Variants in COL14A1 observed in about 807,000 individuals in gnomAD.
COL14A1 encodes collagen alpha-1(XIV) chain.
In COL14A1, 136 loss-of-function variants were observed where a neutral mutation model predicts 230.3. That is an observed-to-expected ratio of 0.59 (90% confidence interval 0.51 to 0.68). COL14A1 has a LOEUF of 0.68. Among genes scored for constraint, COL14A1 ranks in the 30% least tolerant of loss-of-function variants. COL14A1 has a pLI of 0.00. For missense variants in COL14A1, 1,976 were observed against 2,215.8 expected (o/e 0.89, Z 2.17); for synonymous variants, 792 against 784.1 (o/e 1.01, Z -0.17).
chr8:120,145,439 T>C (rs956743936), intron 1 of COL14A1, among the ~76,000 whole-genome samples: 1 of 152,150 alleles, frequency 6.6e-6, no homozygotes, highest in Admixed American at 6.5e-5. Flanking sequence ...GGCAACATGA[T>C]GAAATCCCGT....
intron 4 of COL14A1, among the ~76,000 whole-genome samples, chr8:120,164,730 T>A (rs1757029536): frequency 6.6e-6 from 1 of 152,218 alleles, no homozygotes; most frequent in Admixed American, 6.5e-5. Flanking sequence ...TTGGTTTAAA[T>A]CAGCCTTCTG....
Position 120,373,500 on chromosome 8 carries a change from A to T in COL14A1, c.*2269A>T, listed in dbSNP as rs1425413704. The stretch of plus-strand genomic sequence containing the variant: ...TTTCTTGACTTACTTTGGCAGAAAT[A>T]TACTTATATCTTAATTTATAGTTTG... On this transcript the variant is annotated 3_prime_UTR_variant, in exon 48 of 48. Transcript: ENST00000297848. 6.6e-6 allele frequency among the ~76,000 whole-genome samples: 1 copy of T among 152,188 alleles called. No individual in the cohort carries two copies. Among genetic ancestry groups the T allele is most frequent in the Admixed American group, 6.5e-5 (1 of 15,278 alleles).
chr8:120,371,019 G>A (rs746872117), intron 47 of COL14A1, 133 bp from the exon 48 acceptor site: 26 of 1,032,774 alleles, frequency 2.5e-5, no homozygotes, highest in Admixed American at 7.0e-5. Flanking sequence ...TACAAGGGGC[G>A]TGGTGGATTA....
chr8:120,330,532 G>T (rs1821828177), intron 40 of COL14A1, among the ~76,000 whole-genome samples: 1 of 152,182 alleles, frequency 6.6e-6, no homozygotes, highest in Non-Finnish European at 1.5e-5. Context: ...ATCAGATCTT[G>T]TGAGACTTGT....
intron 40 of COL14A1, among the ~76,000 whole-genome samples, chr8:120,318,397 A>C (rs1169857049): frequency 1.3e-5 from 2 of 152,190 alleles, no homozygotes; most frequent in Non-Finnish European, 2.9e-5. Context: ...TCTCAGAGAC[A>C]GTAGAGAAGG....
At chr8:120,150,703 A>C (rs971572430) in intron 2 of COL14A1, among the ~76,000 whole-genome samples, 2 of 152,176 alleles carry the variant, frequency 1.3e-5, no homozygotes, top group Non-Finnish European at 2.9e-5. Flanking sequence ...CAAGTAGAAG[A>C]CAATGAGTTC....
At chr8:120,305,708 T>G (rs1820837322) in intron 36 of COL14A1, among the ~76,000 whole-genome samples, 1 of 152,182 alleles carries the variant, frequency 6.6e-6, no homozygotes, top group Non-Finnish European at 1.5e-5. Flanking sequence ...TAATTTTTGC[T>G]TTTTATTTGT....
At chr8:120,271,379 AG>A (rs1300179595) in intron 26 of COL14A1, among the ~76,000 whole-genome samples, 1 of 151,286 alleles carries the variant, frequency 6.6e-6, no homozygotes, top group Non-Finnish European at 1.5e-5. Context: ...CTAAAAGAAA[AG>A]TTAAAAAAAA....
In COL14A1 at chr8:120,226,775, T is replaced by G; in HGVS notation, c.2004+9T>G. The G allele has an allele frequency of 6.2e-7, 1 of 1,611,460 alleles. No homozygotes were observed. Among genetic ancestry groups the G allele is most frequent in the Non-Finnish European group, 8.5e-7 (1 of 1,178,334 alleles). On this transcript the variant is annotated intron_variant, in intron 16 of 47. Coordinates refer to ENST00000297848, the MANE Select transcript of COL14A1 (RefSeq NM_021110.4). ...GGGGGAAGACTGAGGAGGTGAGTTT[T>G]CTGAAACAGACTGAAAATTAATCTG...
At chr8:120,250,546 A>C in intron 21 of COL14A1, 71 bp from the exon 22 acceptor site, 1 of 1,522,420 alleles carries the variant, frequency 6.6e-7, no homozygotes. Context: ...AAGTGAATAC[A>C]ATTTGATCTA....
At chr8:120,270,933 C>T (rs1408853844) in intron 26 of COL14A1, among the ~76,000 whole-genome samples, 2 of 151,604 alleles carry the variant, frequency 1.3e-5, no homozygotes, top group Admixed American at 6.6e-5. Flanking sequence ...CATGTATGTT[C>T]ATTGTGGCAG....
chr8:120,166,898 G>GTGTA (rs1815901370), intron 4 of COL14A1, among the ~76,000 whole-genome samples: 2 of 149,538 alleles, frequency 1.3e-5, no homozygotes, highest in East Asian at 3.9e-4. Flanking sequence ...GTGTGTGTGT[G>GTGTA]TGTGTGTGTG....
At chr8:120,151,589 G>C (rs1337410424) in intron 2 of COL14A1, among the ~76,000 whole-genome samples, 1 of 139,704 alleles carries the variant, frequency 7.2e-6, no homozygotes, top group African/African-American at 2.7e-5. Context: ...GCAGTGAGCT[G>C]AGATGGTGCC....
intron 45 of COL14A1, among the ~76,000 whole-genome samples, chr8:120,361,853 C>T (rs773834271): frequency 1.3e-5 from 2 of 152,118 alleles, no homozygotes; most frequent in Non-Finnish European, 2.9e-5. Context: ...ACTCAGAGGC[C>T]AACAGGCCAA....
At chr8:120,209,370 TAATA>T (rs200302556) in intron 11 of COL14A1, among the ~76,000 whole-genome samples, 1,666 of 151,852 alleles carry the variant, frequency 0.011, 21 homozygotes, top group African/African-American at 0.037. Context: ...CTCAAAAAAA[TAATA>T]AATAAAAGAA....
chr8:120,182,672 G>C (rs1328760850), intron 5 of COL14A1, among the ~76,000 whole-genome samples: 1 of 151,364 alleles, frequency 6.6e-6, no homozygotes, highest in South Asian at 2.1e-4. Context: ...GAAATAACTA[G>C]GCAACTCTAC....
intron 25 of COL14A1, among the ~76,000 whole-genome samples, chr8:120,268,470 G>A (rs1237696927): frequency 1.3e-5 from 2 of 151,650 alleles, no homozygotes; most frequent in Non-Finnish European, 1.5e-5. Context: ...ATTCATGAAT[G>A]CTTATAGAAG....
chr8:120,310,527 TGTG>T (rs2130086062), intron 37 of COL14A1, among the ~76,000 whole-genome samples: 1 of 152,254 alleles, frequency 6.6e-6, no homozygotes, highest in East Asian at 1.9e-4. Flanking sequence ...GGTCATCAAA[TGTG>T]GTGGTTCAGG....
intron 35 of COL14A1, 94 bp downstream of exon 35, chr8:120,297,682 A>T (rs1384518201): frequency 3.4e-6 from 2 of 588,960 alleles, no homozygotes; most frequent in Non-Finnish European, 5.3e-6. Context: ...ATCATAGGCA[A>T]CTCGTTGAGA....
Sources: gnomAD v4.1 joint callset for allele counts (sites outside exome capture counted in the v4.1 genomes callset) on GRCh38, gnomAD v4.1.1 for gene constraint, MANE v1.5 for transcripts, NCBI Gene and HGNC (gene_info 2026-07-23, HGNC 2026-07-21) for gene names.